The following COL15A1 variants were observed in gnomAD, a reference collection of about 807,000 sequenced individuals.
COL15A1 encodes the protein collagen alpha-1(XV) chain.
COL15A1 carries 111 observed loss-of-function variants against 165.9 expected under a neutral mutation model. The ratio of observed to expected loss-of-function variants is 0.67; its 90% CI spans 0.57 to 0.78. COL15A1 has a LOEUF of 0.78. COL15A1 is among the 30% of genes least tolerant of loss of function. The pLI, the probability that COL15A1 is intolerant of heterozygous loss-of-function variation, is 0.00. For missense variants in COL15A1, 1,745 were observed against 1,789.7 expected (o/e 0.98, Z 0.45); for synonymous variants, 659 against 674.8 (o/e 0.98, Z 0.36).
At chr9:99,065,933 T>C (rs986527868) in intron 39 of COL15A1, among the ~76,000 whole-genome samples, 9 of 151,672 alleles carry the variant, frequency 5.9e-5, no homozygotes, top group Non-Finnish European at 1.2e-4. Context: ...TTTGTTCAGG[T>C]CTGAGAGGCG....
intron 2 of COL15A1, among the ~76,000 whole-genome samples, chr9:98,974,639 G>A (rs1838113239): frequency 6.6e-6 from 1 of 152,162 alleles, no homozygotes; most frequent in Admixed American, 6.5e-5. Flanking sequence ...CCCTTCTGGG[G>A]TCCCAAGGGC....
chr9:99,031,619 T>C (rs1226326131), intron 16 of COL15A1, among the ~76,000 whole-genome samples: 4 of 152,166 alleles, frequency 2.6e-5, no homozygotes, highest in Non-Finnish European at 4.4e-5. Context: ...CATACTCAAC[T>C]AGAGTCCCAA....
chr9:99,040,866 A>G, intron 23 of COL15A1: 1 of 374,836 alleles, frequency 2.7e-6, no homozygotes, highest in South Asian at 3.7e-5. Flanking sequence ...TCATATGATA[A>G]CACTAAAAAT....
chr9:99,033,603 G>A (rs1464811390), intron 16 of COL15A1, among the ~76,000 whole-genome samples: 1 of 152,126 alleles, frequency 6.6e-6, no homozygotes, highest in Non-Finnish European at 1.5e-5. Context: ...TGGATTTAAT[G>A]CCACTCCCCA....
At chr9:98,946,372 G>A (rs538597181) in intron 2 of COL15A1, among the ~76,000 whole-genome samples, 6 of 152,278 alleles carry the variant, frequency 3.9e-5, no homozygotes, top group East Asian at 1.9e-4. Flanking sequence ...AGAGCTTCAC[G>A]GATGGAGAAG....
rs568622902 is a variant in COL15A1 at position 99,024,959 on chromosome 9, C to G, written c.1940C>G (p.Ser647Cys). 5 of 1,613,866 alleles carry G rather than the reference C, an allele frequency of 3.1e-6. No individual in the cohort carries two copies. Among genetic ancestry groups the G allele is most frequent in the Non-Finnish European group, 4.2e-6 (5 of 1,179,890 alleles). ...GTDVFMGPPG[S>C]PGEDGPAGEP... ...GATGTTTTCATGGGACCCCCTGGAT[C>G]TCCTGGAGAGGATGGACCTGCTGGT... is the stretch of plus-strand genomic sequence containing the variant. The change falls in exon 15 of 42, where the codon TCT (serine) becomes TGT (cysteine). Residue 647 changes from serine to cysteine, a missense_variant. Transcript: ENST00000375001.
intron 2 of COL15A1, among the ~76,000 whole-genome samples, chr9:98,960,884 T>G (rs1837854403): frequency 6.6e-6 from 1 of 152,178 alleles, no homozygotes; most frequent in African/African-American, 2.4e-5. Flanking sequence ...GTTTATTCCA[T>G]CAGAGGTGAG....
At chr9:98,973,877 G>A (rs1267546410) in intron 2 of COL15A1, among the ~76,000 whole-genome samples, 10 of 152,244 alleles carry the variant, frequency 6.6e-5, no homozygotes, top group Non-Finnish European at 1.5e-5. Flanking sequence ...AGACGATGAG[G>A]CTGTCAGACC....
At chr9:99,026,009 G>A (rs1839118615) in intron 16 of COL15A1, 43 bp downstream of exon 16, 2 of 1,563,564 alleles carry the variant, frequency 1.3e-6, no homozygotes, top group African/African-American at 1.3e-5. Flanking sequence ...GGAGCCACCA[G>A]GCCCACACTA....
intron 2 of COL15A1, among the ~76,000 whole-genome samples, chr9:98,970,173 A>G (rs1838023556): frequency 6.6e-6 from 1 of 152,012 alleles, no homozygotes; most frequent in African/African-American, 2.4e-5. Context: ...ACTATTGCCC[A>G]TTCACTCATG....
chr9:98,991,040 G>C (rs1838414993), intron 5 of COL15A1, among the ~76,000 whole-genome samples: 1 of 152,186 alleles, frequency 6.6e-6, no homozygotes, highest in Non-Finnish European at 1.5e-5. Flanking sequence ...CTCTGGAGTT[G>C]TTTGTTCCTC....
At chr9:99,037,959 T>C (rs1442113129) in intron 21 of COL15A1, among the ~76,000 whole-genome samples, 4 of 152,020 alleles carry the variant, frequency 2.6e-5, no homozygotes, top group Non-Finnish European at 5.9e-5. Flanking sequence ...GAGAGAAGGC[T>C]GGAATGTGGG....
intron 19 of COL15A1, among the ~76,000 whole-genome samples, chr9:99,035,903 A>G (rs1369531694): frequency 6.6e-6 from 1 of 152,086 alleles, no homozygotes; most frequent in East Asian, 1.9e-4. Context: ...TCTTTGTTAA[A>G]TGGGCCCCAG....
intron 5 of COL15A1, among the ~76,000 whole-genome samples, chr9:98,991,052 C>T (rs989974427): frequency 2.6e-5 from 4 of 152,098 alleles, no homozygotes; most frequent in Admixed American, 6.5e-5. Context: ...TTGTTCCTCC[C>T]GGTGGGTTCA....
At position 99,015,488 on chromosome 9, in the gene COL15A1, TGAG is replaced by T; in HGVS notation, c.1428_1430del (p.Glu477del). On this transcript the variant is annotated inframe_deletion, in exon 10 of 42. Coordinates refer to ENST00000375001, the MANE Select transcript of COL15A1 (RefSeq NM_001855.5). The stretch of plus-strand genomic sequence containing the variant: ...AAGTGTCCCTCAGTACTTTTGAGGA[TGAG>T]GAAGCCAGTGGGGTCCCCACAGATG... 1 of 1,612,288 alleles carries T rather than the reference TGAG, an allele frequency of 6.2e-7. No homozygotes were observed. The highest frequency in any genetic ancestry group is 1.3e-5 in the African/African-American group (1 of 75,008).
intron 9 of COL15A1, among the ~76,000 whole-genome samples, chr9:99,011,754 GTATT>G (rs201000327): frequency 0.016 from 2,367 of 152,018 alleles, 29 homozygotes; most frequent in Non-Finnish European, 0.026. Context: ...TTGTCTATAA[GTATT>G]TATCCCATTA....
chr9:98,980,222 A>G, intron 2 of COL15A1, among the ~76,000 whole-genome samples: 1 of 152,098 alleles, frequency 6.6e-6, no homozygotes, highest in Non-Finnish European at 1.5e-5. Context: ...TCATTCATTC[A>G]CTATAAGCCC....
chr9:99,062,291 C>A lies in COL15A1; in HGVS notation c.3578C>A (p.Ala1193Glu). Residue 1193 changes from alanine to glutamate, a missense_variant, in exon 38 of 42, where the codon GCG (alanine) becomes GAG (glutamate). Coordinates refer to ENST00000375001, the MANE Select transcript of COL15A1 (RefSeq NM_001855.5). ...CCTGCCGACAGCCCTCCACCCCCTG[C>A]GCTTTCCAGCAACGTGAGTAGTTAC... is the stretch of plus-strand genomic sequence containing the variant. ...PIPADSPPPP[A>E]LSSNPHQLLP... 1.9e-6 allele frequency: 3 copies of A among 1,612,284 alleles called. No homozygotes were observed. The highest frequency in any genetic ancestry group is 2.7e-5 in the African/African-American group (2 of 75,006).
chr9:98,984,143 C>G (rs913874337), intron 2 of COL15A1, among the ~76,000 whole-genome samples: 9 of 152,240 alleles, frequency 5.9e-5, no homozygotes, highest in African/African-American at 2.2e-4. Flanking sequence ...GCCTCCTCAT[C>G]TGGTTGAATC....
Sources: gnomAD v4.1 joint callset for allele counts (sites outside exome capture counted in the v4.1 genomes callset) on GRCh38, gnomAD v4.1.1 for gene constraint, MANE v1.5 for transcripts, NCBI Gene and HGNC (gene_info 2026-07-23, HGNC 2026-07-21) for gene names.